DNMT3A: variants seen among roughly 807,000 people sequenced by gnomAD.
The protein encoded by DNMT3A is DNA (cytosine-5)-methyltransferase 3A.
DNMT3A carries 267 observed loss-of-function variants against 117.6 expected under a neutral mutation model. The ratio of observed to expected loss-of-function variants is 2.27; its 90% confidence interval spans 2.05 to 2.51. The LOEUF (loss-of-function observed/expected upper bound fraction) is 2.51, where lower values mean the gene tolerates loss of function less well. Ranked by LOEUF, DNMT3A falls within the 30% of genes most tolerant of loss-of-function variation. The pLI, the probability that DNMT3A is intolerant of heterozygous loss-of-function variation, is 0.00. For synonymous variants in DNMT3A, 432 were observed against 474.8 expected (o/e 0.91, Z 1.17); for missense variants, 1,029 against 1,260.2 (o/e 0.82, Z 2.78).
At chr2:25,338,830 C>T (rs993827374) in intron 1 of DNMT3A, among the ~76,000 whole-genome samples, 1 of 152,150 alleles carries the variant, frequency 6.6e-6, no homozygotes, top group Non-Finnish European at 1.5e-5. Flanking sequence ...TTTTTGAGAA[C>T]CACTGGCAGA....
chr2:25,235,580 G>C lies in DNMT3A; in HGVS notation c.2597+127C>G, dbSNP rs1673261200. 4.1e-6 allele frequency: 3 copies of C among 733,116 alleles called. No individual in the cohort carries two copies. The South Asian group carries it at 5.2e-5, about 13-fold the overall frequency. The allele number at this position is 733,116 out of a possible 1,614,324, so 45.4% of individuals were successfully genotyped here. On this transcript the variant is annotated intron_variant, in intron 22 of 22. Transcript: ENST00000321117. ...GAGTCTGCCATGTTGGGAAATGCTTGATAAAACCCACTGTTCCCAGGACGT... is the reference window on the plus strand; with the variant it reads ...GAGTCTGCCATGTTGGGAAATGCTTCATAAAACCCACTGTTCCCAGGACGT...
At position 25,311,823 on chromosome 2, in the gene DNMT3A, C is replaced by T. The variant is rs1558733258; in HGVS notation, c.72+2090G>A. ...CACAAGCCCAGATGGCCTGAAGTCA[C>T]ATCTCCAGTAAGTGGCATACTCAGG... On this transcript the variant is annotated intron_variant, in intron 2 of 22. Transcript: ENST00000321117. This position sits in a 1 kb window ranked among gnomAD's most constrained non-coding sequence, Gnocchi z 5.2. 1.3e-5 allele frequency among the ~76,000 whole-genome samples: 2 copies of T among 152,184 alleles called. No individual in the cohort carries two copies. Among genetic ancestry groups the T allele is most frequent in the Admixed American group, 6.5e-5 (1 of 15,282 alleles).
intron 4 of DNMT3A, among the ~76,000 whole-genome samples, chr2:25,280,912 A>G (rs866926281): frequency 1.1e-4 from 16 of 152,288 alleles, no homozygotes; most frequent in Admixed American, 2.0e-4. Flanking sequence ...GCAGGAAGGA[A>G]TGCCGTGACC....
chr2:25,243,859 G>A (rs1308600566), intron 16 of DNMT3A, 39 bp downstream of exon 16: 1 of 1,550,708 alleles, frequency 6.4e-7, no homozygotes, highest in South Asian at 1.2e-5. Context: ...CCCATCCTGG[G>A]ACAAGGCGGC....
intron 3 of DNMT3A, among the ~76,000 whole-genome samples, chr2:25,289,107 T>C (rs1033211157): frequency 5.1e-5 from 7 of 137,416 alleles, no homozygotes; most frequent in African/African-American, 1.2e-4. Flanking sequence ...CTTATTTAAC[T>C]TTTTTTTTTT....
rs943891001 is a variant in DNMT3A, at chr2:25,252,433, G to C, written c.640-4181C>G. On this transcript the variant is annotated intron_variant, in intron 6 of 22. Transcript: ENST00000321117. This position sits in a 1 kb window ranked among gnomAD's most constrained non-coding sequence, Gnocchi z 5.5. ...TGGTTGGCTGCGAGCGGCCCGGGGA[G>C]GGGGCCGGCGCTCCGACGCTGGCGC... The C allele has an allele frequency of 3.0e-5, 13 of 428,452 alleles. No homozygotes were observed. The highest frequency in any genetic ancestry group is 4.5e-5 in the Non-Finnish European group (11 of 244,114). 26.5% of individuals were successfully genotyped at this position (428,452 alleles called of 1,614,324 possible).
In DNMT3A at chr2:25,244,563, CAT is replaced by C. The variant is rs1307594893; in HGVS notation, c.1642_1643del (p.Met548ValfsTer29). ...TICCGGREVL[M>X]CGNNNCCRCF... is the part of the protein sequence containing the mutation. ...ACCTGCAGCAGTTGTTGTTTCCGCACATGAGCACCTCACGGCCCCCACAGCAG... is the reference window on the plus strand; with the variant it reads ...ACCTGCAGCAGTTGTTGTTTCCGCACGAGCACCTCACGGCCCCCACAGCAG... On this transcript the variant is annotated frameshift_variant, in exon 14 of 23. Coordinates refer to ENST00000321117, the MANE Select transcript of DNMT3A (RefSeq NM_022552.5). LOFTEE classifies it high-confidence loss of function. The C allele has an allele frequency of 1.2e-6, 2 of 1,614,200 alleles. No homozygotes were observed. The highest frequency in any genetic ancestry group is 2.2e-5 in the East Asian group (1 of 44,894).
chr2:25,235,529 C>G (rs923635479), intron 22 of DNMT3A, among the ~76,000 whole-genome samples, 178 bp downstream of exon 22: 2 of 152,108 alleles, frequency 1.3e-5, no homozygotes, highest in African/African-American at 4.8e-5. Context: ...TACCCAGGAG[C>G]CTGGGGTGTC....
Position 25,244,148 on chromosome 2 carries a change from C to A in DNMT3A, c.1851+7G>T. ...GCTCGAGACCGCGCCCCAGGCCCAGCACTCACAAATTCCTGGTCGTGGTTA... is the reference window on the plus strand; with the variant it reads ...GCTCGAGACCGCGCCCCAGGCCCAGAACTCACAAATTCCTGGTCGTGGTTA... On this transcript the variant is annotated splice_region_variant and intron_variant, in intron 15 of 22. Coordinates refer to ENST00000321117, the MANE Select transcript of DNMT3A (RefSeq NM_022552.5). 6.2e-7 allele frequency: 1 copy of A among 1,614,006 alleles called. No individual in the cohort carries two copies. The highest frequency in any genetic ancestry group is 8.5e-7 in the Non-Finnish European group (1 of 1,180,022).
chr2:25,279,397 C>G (rs187439868), intron 4 of DNMT3A, among the ~76,000 whole-genome samples: 1 of 152,220 alleles, frequency 6.6e-6, no homozygotes, highest in African/African-American at 2.4e-5. Context: ...CACATCCTCT[C>G]CGGGGCCTTA....
chr2:25,314,649 C>G, intron 1 of DNMT3A: 1 of 985,424 alleles, frequency 1.0e-6, no homozygotes, highest in African/African-American at 1.7e-5. Context: ...ATGAATGTCA[C>G]CTCACTTCAG....
chr2:25,229,392 T>C lies in DNMT3A; in HGVS notation c.*4887A>G, dbSNP rs1303550886. On this transcript the variant is annotated 3_prime_UTR_variant, in exon 23 of 23. Coordinates refer to ENST00000321117, the MANE Select transcript of DNMT3A (RefSeq NM_022552.5). ...CACTACACCTTTTCCACCCCCGGGA[T>C]TGGGAGCGGGGAGGTTTCAGCTGCT... 1 of 152,226 alleles carries C rather than the reference T, an allele frequency of 6.6e-6. No individual in the cohort carries two copies. Among genetic ancestry groups the C allele is most frequent in the Non-Finnish European group, 1.5e-5 (1 of 68,072 alleles). The allele number at this position is 152,226 out of a possible 1,614,324, so 9.4% of individuals were successfully genotyped here.
At chr2:25,302,269 A>T (rs530328015) in intron 2 of DNMT3A, among the ~76,000 whole-genome samples, 1 of 152,188 alleles carries the variant, frequency 6.6e-6, no homozygotes, top group East Asian at 1.9e-4. Context: ...GGCTGCCAAC[A>T]CTGGAGACCA....
At chr2:25,270,316 A>T (rs1233295803) in intron 6 of DNMT3A, among the ~76,000 whole-genome samples, 1 of 152,192 alleles carries the variant, frequency 6.6e-6, no homozygotes, top group Admixed American at 6.5e-5. Flanking sequence ...GCATTCGTCT[A>T]CGCCCCATTC....
intron 1 of DNMT3A, chr2:25,314,364 G>A (rs2034279577): frequency 1.0e-6 from 1 of 985,332 alleles, no homozygotes; most frequent in South Asian, 4.7e-5. Context: ...GAGCCTTGGA[G>A]TGGCAGCAGT....
intron 13 of DNMT3A, 30 bp from the exon 14 acceptor site, chr2:25,244,682 A>ACCAGGACGGGTC (rs757999793): frequency 1.3e-6 from 2 of 1,599,920 alleles, no homozygotes; most frequent in South Asian, 1.1e-5. Context: ...GTCAGAAACC[A>ACCAGGACGGGTC]CCAGGACGGG....
In DNMT3A at chr2:25,337,147, G is replaced by A. The variant is rs191833053; in HGVS notation, c.-178+4679C>T. ...ATAACGAGCTGAAACTACAGCGGGA[G>A]GGATTTCAGGTGGAAGCAAAACAAC... On this transcript the variant is annotated intron_variant, in intron 1 of 22. Transcript: ENST00000321117. This position sits in a 1 kb window ranked among gnomAD's most constrained non-coding sequence, Gnocchi z 5.0. 6.6e-6 allele frequency among the ~76,000 whole-genome samples: 1 copy of A among 152,270 alleles called. No homozygotes were observed. The highest frequency in any genetic ancestry group is 1.9e-4 in the East Asian group (1 of 5,182).
At chr2:25,275,580 G>A (rs761811391) in intron 4 of DNMT3A, 37 bp from the exon 5 acceptor site, 1 of 1,549,096 alleles carries the variant, frequency 6.5e-7, no homozygotes, top group Non-Finnish European at 8.7e-7. Flanking sequence ...CAGTTCGTTG[G>A]TCGGCAGAAT....
chr2:25,297,838 T>C (rs2033185618), intron 3 of DNMT3A, among the ~76,000 whole-genome samples: 1 of 152,208 alleles, frequency 6.6e-6, no homozygotes, highest in African/African-American at 2.4e-5. Flanking sequence ...TCTTTTGCTG[T>C]TTGCCAAGTG....
Sources: gnomAD v4.1 joint callset for allele counts (sites outside exome capture counted in the v4.1 genomes callset) on GRCh38, gnomAD v4.1.1 for gene constraint, Gnocchi (gnomAD v3.1) non-coding constraint, MANE v1.5 for transcripts, NCBI Gene and HGNC (gene_info 2026-07-23, HGNC 2026-07-21) for gene names.